KDM6B: variants seen among roughly 807,000 people sequenced by gnomAD.
The protein encoded by KDM6B is lysine demethylase 6B, also known as lysine-specific demethylase 6B.
In KDM6B, 22 loss-of-function variants were observed where a neutral mutation model predicts 150.4. The observed-to-expected ratio is 0.15, with a 90% CI of 0.10 to 0.21. The LOEUF (loss-of-function observed/expected upper bound fraction) is 0.21. Ranked by LOEUF, KDM6B falls within the 10% of genes least tolerant of loss-of-function variation. The pLI, the probability that KDM6B is intolerant of heterozygous loss-of-function variation, is 1.00. For synonymous variants in KDM6B, 1,148 were observed against 921.1 expected (o/e 1.25, Z -4.46); for missense variants, 1,984 against 2,234.3 (o/e 0.89, Z 2.26).
chr17:7,853,288 G>T lies in KDM6B; in HGVS notation c.4816G>T (p.Ala1606Ser). 6.2e-7 allele frequency: 1 copy of T among 1,605,990 alleles called. No homozygotes were observed. The highest frequency in any genetic ancestry group is 8.5e-7 in the Non-Finnish European group (1 of 1,176,898). Residue 1606 changes from alanine to serine, a missense_variant, in exon 23 of 24, where the codon GCC becomes TCC. Around this residue, in one of 13 missense-constraint regions of KDM6B, gnomAD observed 58 missense variants for 76.4 expected, o/e 0.76. Transcript: ENST00000448097. ...GTACCTGGTACACTGCGAGGGCTGT[G>T]CCCGGCGCCGCAGCGCAGGCCTGCA... ...NTYLVHCEGC[A>S]RRRSAGLQGV...
In KDM6B at chr17:7,849,648, C is replaced by T. The variant is rs376276521; in HGVS notation, c.3360C>T (p.Ala1120=). The T allele has an allele frequency of 2.5e-6, 4 of 1,611,232 alleles. No individual in the cohort carries two copies. Among genetic ancestry groups the T allele is most frequent in the South Asian group, 1.1e-5 (1 of 91,084 alleles). ...VESGDKETFI[A]SEVEERRLRM... The stretch of plus-strand genomic sequence containing the variant: ...GTGGTGACAAGGAGACCTTTATCGC[C>T]TCTGAGGTGGAAGAGCGGCGGCTGC... Residue 1120 remains alanine, a synonymous_variant, in exon 12 of 24, where the codon GCC becomes GCT. Transcript: ENST00000448097.
rs1374560937 is a variant in KDM6B, at chr17:7,853,124, G to A, written c.4735G>A (p.Asp1579Asn). Residue 1579 changes from aspartate to asparagine, a missense_variant and splice_region_variant, in exon 22 of 24, where the codon GAT becomes AAT. This residue lies in a region of KDM6B where 7 missense variants were observed against 39.7 expected (regional missense o/e 0.18). Coordinates refer to ENST00000448097, the MANE Select transcript of KDM6B (RefSeq NM_001348716.2). ...DEPAYYCNEC[D>N]VEVFNILFVT... ...GCCAGCCTACTACTGCAACGAGTGC[G>A]ATGTGAGTGGGCCGGCTCTGCTGCT... 6.2e-7 allele frequency: 1 copy of A among 1,614,150 alleles called. No homozygotes were observed. The highest frequency in any genetic ancestry group is 8.5e-7 in the Non-Finnish European group (1 of 1,180,012).
rs1349682047 is a variant in KDM6B, at chr17:7,849,280, C to T, written c.2992C>T (p.Pro998Ser). 1 of 1,555,384 alleles carries T rather than the reference C, an allele frequency of 6.4e-7. No individual in the cohort carries two copies. The highest frequency in any genetic ancestry group is 8.7e-7 in the Non-Finnish European group (1 of 1,149,384). The change falls in exon 12 of 24, where the codon CCC becomes TCC. Residue 998 changes from proline (P) to serine (S), a missense_variant. By Grantham distance (74) the Pro-to-Ser change is moderately conservative. Transcript: ENST00000448097. The stretch of plus-strand genomic sequence containing the variant: ...CTGTAAGGACAGTGTGGGTCGTCGG[C>T]CCCGTGAGGGCAGGGCAAAGGCCAA... Reference protein sequence around the residue: ...RACKDSVGRRPREGRAKAKAK... With the variant: ...RACKDSVGRRSREGRAKAKAK...
At position 7,851,663 on chromosome 17, in the gene KDM6B, G is replaced by T; in HGVS notation, c.4032G>T (p.Leu1344=). The T allele has an allele frequency of 6.3e-7, 1 of 1,588,096 alleles. No homozygotes were observed. Among genetic ancestry groups the T allele is most frequent in the Non-Finnish European group, 8.6e-7 (1 of 1,167,372 alleles). Residue 1344 remains leucine, a synonymous_variant, in exon 18 of 24, where the codon CTG becomes CTT. Coordinates refer to ENST00000448097, the MANE Select transcript of KDM6B (RefSeq NM_001348716.2). ...CGCACCGCAGGTGGAAGCCCCAGCT[G>T]CAGGAGCTGCTGAAGCTGCCCGCCT... The part of the protein sequence containing the change: ...LSDAKRWKPQ[L]QELLKLPAFM...
chr17:7,853,702 A>ATTTCTTT lies in KDM6B; in HGVS notation c.*182_*183insTTCTTTT. 1 of 385,212 alleles carries ATTTCTTT rather than the reference A, an allele frequency of 2.6e-6. No individual in the cohort carries two copies. The highest frequency in any genetic ancestry group is 4.4e-6 in the Non-Finnish European group (1 of 228,644). The allele number at this position is 385,212 out of a possible 1,614,324, so 23.9% of individuals were successfully genotyped here. ...AAAACTTTTTTTTTTTTTTTAGCAA[A>ATTTCTTT]TATGAGGAAAAAAGGAAAAAAAATG... On this transcript the variant is annotated 3_prime_UTR_variant, in exon 24 of 24. Transcript: ENST00000448097.
At chr17:7,838,613 C>G (rs1020476917) in intron 1 of KDM6B, among the ~76,000 whole-genome samples, 3 of 136,920 alleles carry the variant, frequency 2.2e-5, no homozygotes, top group Non-Finnish European at 4.7e-5. Flanking sequence ...ACCCTCTGAC[C>G]CCCTAGGCTT....
At position 7,848,829 on chromosome 17, in the gene KDM6B, C is replaced by T. The variant is rs1312613625; in HGVS notation, c.2541C>T (p.Ala847=). 6.2e-7 allele frequency: 1 copy of T among 1,612,472 alleles called. No individual in the cohort carries two copies. Among genetic ancestry groups the T allele is most frequent in the Non-Finnish European group, 8.5e-7 (1 of 1,179,898 alleles). Residue 847 remains alanine (A), a synonymous_variant, in exon 12 of 24, where the codon GCC becomes GCT. Transcript: ENST00000448097. ...YSPGPPSGAT[A]LPPTSAAPSA... is the part of the protein sequence containing the mutation. ...CTGGCCCCCCATCAGGTGCTACCGC[C>T]CTGCCGCCCACCTCAGCGGCCCCTA...
At chr17:7,850,946 G>T in intron 14 of KDM6B, 75 bp from the exon 15 acceptor site, 2 of 1,334,666 alleles carry the variant, frequency 1.5e-6, no homozygotes, top group Middle Eastern at 2.1e-4. Context: ...GGAGTAGGAA[G>T]GGAAAGGGTC....
At chr17:7,835,891 C>T (rs1053620430) in intron 1 of KDM6B, among the ~76,000 whole-genome samples, 1 of 152,170 alleles carries the variant, frequency 6.6e-6, no homozygotes, top group Non-Finnish European at 1.5e-5. Flanking sequence ...CTCGGTCGGT[C>T]TGCACCGTTT....
chr17:7,851,832 C>G (rs570756663), intron 18 of KDM6B, 36 bp downstream of exon 18: 1 of 1,559,844 alleles, frequency 6.4e-7, no homozygotes, highest in Non-Finnish European at 8.7e-7. Flanking sequence ...ATGCTGGAAG[C>G]GCGAGAGGAG....
In KDM6B at chr17:7,844,395, G is replaced by A. The variant is rs1248058250; in HGVS notation, c.-268-506G>A. On this transcript the variant is annotated intron_variant, in intron 2 of 23. Coordinates refer to ENST00000448097, the MANE Select transcript of KDM6B (RefSeq NM_001348716.2). This position sits in a 1 kb window ranked among gnomAD's most constrained non-coding sequence, Gnocchi z 5.9. ...TTGACCAAGGTTTGGGTCGGGGTCA[G>A]GCGTTGGGGGTGGAGCGCCGATAGC... 1.3e-5 allele frequency: 2 copies of A among 152,698 alleles called. No homozygotes were observed. The highest frequency in any genetic ancestry group is 4.8e-5 in the African/African-American group (2 of 41,578). The allele number at this position is 152,698 out of a possible 1,614,324, so 9.5% of individuals were successfully genotyped here.
chr17:7,853,473 G>T, intron 23 of KDM6B, 25 bp from the exon 24 acceptor site: 1 of 1,504,048 alleles, frequency 6.6e-7, no homozygotes, highest in Non-Finnish European at 8.8e-7. Context: ...CTTTCCCTGA[G>T]CCCCCGCCGG....
chr17:7,852,620 T>C lies in KDM6B; in HGVS notation c.4594T>C (p.Leu1532=), dbSNP rs180835217. ...ARTVKISDPD[L]FKMIKFCLLQ... ...CACGGTCAAAATCAGCGACCCCGAC[T>C]TGTTCAAGATGATCAAGTGAGGACC... Residue 1532 remains leucine, a synonymous_variant, in exon 21 of 24, where the codon TTG becomes CTG. Transcript: ENST00000448097. 2 of 1,614,056 alleles carry C rather than the reference T, an allele frequency of 1.2e-6. No homozygotes were observed. Among genetic ancestry groups the C allele is most frequent in the African/African-American group, 1.3e-5 (1 of 75,054 alleles).
At position 7,846,210 on chromosome 17, in the gene KDM6B, T is replaced by G; in HGVS notation, c.369T>G (p.Ser123Arg). The stretch of plus-strand genomic sequence containing the variant: ...AACTGTACGAGTCAGAGCACGATAG[T>G]GAGGAGGCCACACGCTGCTACCACA... ...LGQLYESEHD[S>R]EEATRCYHSA... is the part of the protein sequence containing the mutation. Residue 123 changes from serine (S) to arginine (R), a missense_variant, in exon 7 of 24, where the codon AGT becomes AGG. By Grantham distance (110) the Ser-to-Arg change is moderately radical (BLOSUM62 -1). Around this residue, in one of 13 missense-constraint regions of KDM6B, gnomAD observed 337 missense variants for 323.9 expected, o/e 1.04. Coordinates refer to ENST00000448097, the MANE Select transcript of KDM6B (RefSeq NM_001348716.2). 2 of 1,614,076 alleles carry G rather than the reference T, an allele frequency of 1.2e-6. No individual in the cohort carries two copies. The highest frequency in any genetic ancestry group is 1.7e-6 in the Non-Finnish European group (2 of 1,180,002).
rs1335892419 is a variant in KDM6B at position 7,853,323 on chromosome 17, G to A, written c.4851G>A (p.Val1617=). The A allele has an allele frequency of 3.8e-6, 6 of 1,590,628 alleles. No individual in the cohort carries two copies. Among genetic ancestry groups the A allele is most frequent in the South Asian group, 1.1e-5 (1 of 88,216 alleles). Residue 1617 remains valine (V), a synonymous_variant, in exon 23 of 24, where the codon GTG becomes GTA. Coordinates refer to ENST00000448097, the MANE Select transcript of KDM6B (RefSeq NM_001348716.2). ...GCAGCGCAGGCCTGCAGGGCGTGGT[G>A]GTGCTGGAGCAGTACCGCACTGAGG... The part of the protein sequence containing the change: ...RRRSAGLQGV[V]VLEQYRTEEL...
intron 2 of KDM6B, among the ~76,000 whole-genome samples, chr17:7,842,492 T>A (rs1249798714): frequency 4.6e-5 from 7 of 152,202 alleles, no homozygotes; most frequent in Non-Finnish European, 8.8e-5. Context: ...TGTCAGTCTT[T>A]GTGCCTGTCC....
chr17:7,846,371 G>GGGGCGGGCCCGGGGGGCCCCCCC, intron 7 of KDM6B, 29 bp from the exon 8 acceptor site: 2 of 1,488,920 alleles, frequency 1.3e-6, no homozygotes, highest in Non-Finnish European at 1.8e-6. Flanking sequence ...CCTGACATCT[G>GGGGCGGGCCCGGGGGGCCCCCCC]CCCCTGCCCC....
rs2078748431 is a variant in KDM6B, at chr17:7,853,549, CCG to C, written c.*32_*33del. The C allele has an allele frequency of 7.1e-7, 1 of 1,418,030 alleles. No homozygotes were observed. Among genetic ancestry groups the C allele is most frequent in the African/African-American group, 1.5e-5 (1 of 66,010 alleles). The allele number at this position is 1,418,030 out of a possible 1,614,324, so 87.8% of individuals were successfully genotyped here. ...CCGGACGCCCCGCCCGCCTGCCTGC[CCG>C]CGCAAGGCGCCGCGGGGCCACCAGC... On this transcript the variant is annotated 3_prime_UTR_variant, in exon 24 of 24. Transcript: ENST00000448097.
rs754760018 is a variant in KDM6B at position 7,849,397 on chromosome 17, G to A, written c.3109G>A (p.Asp1037Asn). The change falls in exon 12 of 24, where the codon GAT becomes AAT. Residue 1037 changes from aspartate to asparagine, a missense_variant. Asp to Asn is a conservative substitution (Grantham distance 23). Coordinates refer to ENST00000448097, the MANE Select transcript of KDM6B (RefSeq NM_001348716.2). ...EIQGREKSRP[D>N]LGGASKAKPP... ...CCAGGGTCGTGAGAAGTCCCGGCCC[G>A]ATCTTGGCGGGGCCTCCAAGGCCAA... 2.5e-6 allele frequency: 4 copies of A among 1,611,348 alleles called. No homozygotes were observed. Among genetic ancestry groups the A allele is most frequent in the South Asian group, 2.2e-5 (2 of 90,798 alleles).
Sources: allele counts gnomAD v4.1 joint callset (sites outside exome capture counted in the v4.1 genomes callset), GRCh38; gene constraint gnomAD v4.1.1; regional missense constraint gnomAD v4.1.1; non-coding constraint Gnocchi (gnomAD v3.1); transcripts MANE v1.5; gene names NCBI Gene and HGNC (gene_info 2026-07-23, HGNC 2026-07-21).